PUM1: variants seen among roughly 807,000 people sequenced by gnomAD.
PUM1 encodes pumilio RNA binding family member 1.
In PUM1, 13 loss-of-function variants were observed where a neutral mutation model predicts 131.8. That is an observed-to-expected ratio of 0.10 (90% CI 0.06 to 0.16). The LOEUF (loss-of-function observed/expected upper bound fraction) is 0.16. PUM1 is among the 10% of genes least tolerant of loss of function. The pLI is 1.00. For missense variants in PUM1, 961 were observed against 1,512.4 expected (o/e 0.64, Z 6.05); for synonymous variants, 509 against 556.5 (o/e 0.91, Z 1.20).
intron 1 of PUM1, 104 bp downstream of exon 1, chr1:31,065,512 C>T (rs1432454017): frequency 7.6e-7 from 1 of 1,315,478 alleles, no homozygotes; most frequent in Non-Finnish European, 9.9e-7. Context: ...TTTTCCAAAG[C>T]CCTTCTCACC....
intron 2 of PUM1, among the ~76,000 whole-genome samples, chr1:31,049,770 C>G (rs887951631): frequency 6.7e-6 from 1 of 150,312 alleles, no homozygotes; most frequent in African/African-American, 2.4e-5. Flanking sequence ...ATTTCAGAGG[C>G]ATATATAATC....
chr1:31,050,694 T>C (rs1262421600), intron 2 of PUM1, among the ~76,000 whole-genome samples: 1 of 152,208 alleles, frequency 6.6e-6, no homozygotes, highest in East Asian at 1.9e-4. Context: ...AGATTCATTG[T>C]CTAAGAGAGT....
At chr1:31,013,135 A>G (rs1461670435) in intron 3 of PUM1, among the ~76,000 whole-genome samples, 1 of 152,218 alleles carries the variant, frequency 6.6e-6, no homozygotes, top group East Asian at 1.9e-4. Context: ...CACAGTGATC[A>G]TGGCATCACC....
intron 14 of PUM1, among the ~76,000 whole-genome samples, chr1:30,957,321 T>C (rs553915483): frequency 1.3e-5 from 2 of 152,210 alleles, no homozygotes; most frequent in South Asian, 2.1e-4. Context: ...GCGTGACAAA[T>C]AGTAAATAAA....
intron 3 of PUM1, among the ~76,000 whole-genome samples, chr1:31,022,070 G>A (rs377649079): frequency 8.1e-5 from 8 of 98,700 alleles, no homozygotes; most frequent in African/African-American, 2.7e-4. Context: ...TATTACTTCC[G>A]AGCCTAGAAA....
At chr1:31,035,267 C>T (rs1643569826) in intron 2 of PUM1, among the ~76,000 whole-genome samples, 1 of 152,002 alleles carries the variant, frequency 6.6e-6, no homozygotes. Flanking sequence ...ATGGCACATG[C>T]CTGTAATCCC....
intron 2 of PUM1, chr1:31,055,169 T>A: frequency 2.8e-6 from 1 of 351,710 alleles, no homozygotes; most frequent in South Asian, 2.2e-5. Context: ...CAGTGGCTAA[T>A]AAGGGCAGAG....
In PUM1 at chr1:30,975,517, ATTTTTT is replaced by A. The variant is rs751510345; in HGVS notation, c.1355-721_1355-716del. ...AGATGCATGCCACTATACCTGACTA[ATTTTTT>A]TTTTTTTTTTTTTTTTTTTGGTAGA... On this transcript the variant is annotated intron_variant, in intron 9 of 21. Transcript: ENST00000426105. Among the ~76,000 whole-genome samples, 5 of 84,164 alleles carry A rather than the reference ATTTTTT, an allele frequency of 5.9e-5. No homozygotes were observed. The South Asian group carries it at 1.3e-3, about 22-fold the overall frequency. 55.2% of individuals were successfully genotyped at this position (84,164 alleles called of 152,430 possible). A position where few individuals can be genotyped will look rare whatever the true frequency, so the allele number is the denominator to read the frequency against.
intron 2 of PUM1, among the ~76,000 whole-genome samples, chr1:31,042,290 A>G (rs1643843961): frequency 6.6e-6 from 1 of 151,226 alleles, no homozygotes; most frequent in African/African-American, 2.4e-5. Context: ...TGGGCAACAG[A>G]GCGAGACTCT....
intron 2 of PUM1, among the ~76,000 whole-genome samples, chr1:31,051,604 C>T (rs1292959611): frequency 1.5e-5 from 1 of 67,098 alleles, no homozygotes; most frequent in Non-Finnish European, 2.7e-5. Flanking sequence ...CACCTGGCCT[C>T]ACCCACTGAT....
chr1:30,986,290 G>A (rs914622666), intron 7 of PUM1, among the ~76,000 whole-genome samples: 4 of 152,094 alleles, frequency 2.6e-5, no homozygotes, highest in African/African-American at 2.4e-5. Flanking sequence ...GCCCTACCTC[G>A]TGGGGTTGTT....
At chr1:30,999,626 A>C (rs1381462357) in intron 5 of PUM1, among the ~76,000 whole-genome samples, 3 of 147,128 alleles carry the variant, frequency 2.0e-5, no homozygotes, top group East Asian at 2.0e-4. Context: ...AAAAAAAAAA[A>C]AAAAAAAAAA....
chr1:30,933,883 A>G (rs1238377307), intron 21 of PUM1, among the ~76,000 whole-genome samples: 3 of 152,212 alleles, frequency 2.0e-5, no homozygotes, highest in Admixed American at 6.5e-5. Context: ...GATGAACATC[A>G]TGAGCTGGTG....
rs182607014 is a variant in PUM1 at position 31,019,109 on chromosome 1, T to C, written c.432+9687A>G. On this transcript the variant is annotated intron_variant, in intron 3 of 21. Coordinates refer to ENST00000426105, the MANE Select transcript of PUM1 (RefSeq NM_001020658.2). ...GGCTCATGCCTGTAATCCTAGCTCT[T>C]TGGGAGGCTGAGGCGAGCGAATCGC... 1.9e-3 allele frequency among the ~76,000 whole-genome samples: 296 copies of C among 152,252 alleles called. 1 individual carries two copies. Among genetic ancestry groups the C allele is most frequent in the Admixed American group, 4.9e-3 (75 of 15,284 alleles).
chr1:30,954,600 T>TC (rs985828496), intron 14 of PUM1, among the ~76,000 whole-genome samples: 4 of 152,204 alleles, frequency 2.6e-5, no homozygotes, highest in Non-Finnish European at 5.9e-5. Flanking sequence ...TGAAAAATTT[T>TC]CGAGTTTTCA....
At chr1:30,988,122 T>C (rs991444872) in intron 7 of PUM1, among the ~76,000 whole-genome samples, 1 of 152,204 alleles carries the variant, frequency 6.6e-6, no homozygotes, top group African/African-American at 2.4e-5. Context: ...CATGGTTCAC[T>C]TATTAAGAAG....
chr1:30,972,162 C>T (rs1356879566), intron 10 of PUM1, among the ~76,000 whole-genome samples: 1 of 144,042 alleles, frequency 6.9e-6, no homozygotes, highest in Non-Finnish European at 1.5e-5. Flanking sequence ...GGCTGAGGCA[C>T]GAGAATTGCT....
At chr1:30,946,599 T>C (rs1001554672) in intron 17 of PUM1, among the ~76,000 whole-genome samples, 2 of 142,592 alleles carry the variant, frequency 1.4e-5, no homozygotes, top group African/African-American at 2.6e-5. Context: ...ATTGTGCCAC[T>C]GCACTCCAGC....
At chr1:31,065,506 C>G in intron 1 of PUM1, 110 bp downstream of exon 1, 1 of 1,223,844 alleles carries the variant, frequency 8.2e-7, no homozygotes, top group Non-Finnish European at 1.1e-6. Flanking sequence ...GGCGGCTTTT[C>G]CAAAGCCCTT....
Sources: allele counts gnomAD v4.1 joint callset (sites outside exome capture counted in the v4.1 genomes callset), GRCh38; gene constraint gnomAD v4.1.1; transcripts MANE v1.5; gene names NCBI Gene and HGNC (gene_info 2026-07-23, HGNC 2026-07-21).